DIPK1A: variants seen among roughly 807,000 people sequenced by gnomAD.
The protein encoded by DIPK1A is family with sequence similarity 69 member A.
DIPK1A carries 27 observed loss-of-function variants against 40.8 expected under a neutral mutation model. The ratio of observed to expected loss-of-function variants is 0.66; its 90% CI spans 0.49 to 0.91. The LOEUF (loss-of-function observed/expected upper bound fraction) is 0.91, where lower values mean the gene tolerates loss of function less well. DIPK1A is among the 40% of genes least tolerant of loss of function. The probability of loss-of-function intolerance (pLI) is 0.00; values close to 1 mark genes in which losing one functional copy is unlikely to be tolerated. For synonymous variants in DIPK1A, 166 were observed against 171.3 expected, an observed-to-expected ratio of 0.97 and a Z score of 0.24; for missense variants, 412 against 505.7, an observed-to-expected ratio of 0.81 and a Z score of 1.78.
chr1:92,923,823 T>G (rs1236444187), intron 1 of DIPK1A, among the ~76,000 whole-genome samples: 1 of 152,208 alleles, frequency 6.6e-6, no homozygotes, highest in Admixed American at 6.5e-5. Flanking sequence ...GGGGCAGGTC[T>G]GCTAAACTCA....
At chr1:92,833,143 G>A in intron 4 of DIPK1A, 1 of 667,974 alleles carries the variant, frequency 1.5e-6, no homozygotes, top group Non-Finnish European at 2.7e-6. Context: ...CATTTTGTAT[G>A]TTTCTTTTAT....
intron 4 of DIPK1A, chr1:92,837,076 C>G (rs1274061089): frequency 9.0e-6 from 3 of 334,586 alleles, no homozygotes; most frequent in African/African-American, 4.3e-5. Context: ...AGAGCATTCT[C>G]ACTTGACAAT....
At chr1:92,880,100 G>A (rs1439381509) in intron 1 of DIPK1A, among the ~76,000 whole-genome samples, 1 of 152,132 alleles carries the variant, frequency 6.6e-6, no homozygotes, top group South Asian at 2.1e-4. Context: ...AAATCTTGTG[G>A]GGTAGCAGCC....
intron 1 of DIPK1A, among the ~76,000 whole-genome samples, chr1:92,885,000 C>T (rs962297192): frequency 2.0e-5 from 3 of 152,086 alleles, no homozygotes; most frequent in Admixed American, 6.5e-5. Flanking sequence ...AAAGAGGCTA[C>T]GGGTTTCTGA....
intron 1 of DIPK1A, among the ~76,000 whole-genome samples, chr1:92,948,777 G>GTATA (rs71586769): frequency 7.0e-6 from 1 of 143,462 alleles, no homozygotes; most frequent in African/African-American, 2.6e-5. Context: ...GTGTGTGTGT[G>GTATA]TATATATATA....
Position 92,844,168 on chromosome 1 carries a change from AGAG to A in DIPK1A, c.499_501del (p.Leu167del), listed in dbSNP as rs1159804667. On this transcript the variant is annotated inframe_deletion, in exon 5 of 5. Coordinates refer to ENST00000370310, the MANE Select transcript of DIPK1A (RefSeq NM_001006605.5). ...GTCAAGATGAGATTAACCAGTTCAG[AGAG>A]GTTTCCTTGGTCACCCAATTTTGCC... The A allele has an allele frequency of 6.5e-7, 1 of 1,548,650 alleles. No homozygotes were observed.
chr1:92,960,711 C>T (rs528044298), intron 1 of DIPK1A, among the ~76,000 whole-genome samples: 1 of 152,300 alleles, frequency 6.6e-6, no homozygotes, highest in South Asian at 2.1e-4. Flanking sequence ...AGCCACTAGC[C>T]CCTTTCCTTT....
rs189703050 is a variant in DIPK1A at position 92,890,633 on chromosome 1, G to A, written c.55-14203C>T. 3.2e-3 allele frequency among the ~76,000 whole-genome samples: 488 copies of A among 152,236 alleles called. 3 individuals carry two copies. Among genetic ancestry groups the A allele is most frequent in the African/African-American group, 0.01 (433 of 41,542 alleles). ...GTATCATATTTACTGATTTGTGTAC[G>A]TTGACCTATCTTTGCATCTCTTGAA... On this transcript the variant is annotated intron_variant, in intron 1 of 4. Coordinates refer to ENST00000370310, the MANE Select transcript of DIPK1A (RefSeq NM_001006605.5).
intron 1 of DIPK1A, among the ~76,000 whole-genome samples, chr1:92,919,973 C>T (rs1650208459): frequency 6.6e-6 from 1 of 152,184 alleles, no homozygotes; most frequent in African/African-American, 2.4e-5. Flanking sequence ...TTGTGTTGTA[C>T]ACAAGTATAT....
chr1:92,944,050 T>C (rs1490457705), intron 1 of DIPK1A, among the ~76,000 whole-genome samples: 1 of 151,956 alleles, frequency 6.6e-6, no homozygotes, highest in East Asian at 1.9e-4. Context: ...TAGGAAACCA[T>C]AAAAAGAAAC....
chr1:92,879,136 C>T (rs1259356650), intron 1 of DIPK1A, among the ~76,000 whole-genome samples: 1 of 152,106 alleles, frequency 6.6e-6, no homozygotes, highest in African/African-American at 2.4e-5. Context: ...GCCAAGATCG[C>T]ACCACTGCAC....
chr1:92,928,975 A>AG (rs1272063542), intron 1 of DIPK1A, among the ~76,000 whole-genome samples: 1 of 152,072 alleles, frequency 6.6e-6, no homozygotes, highest in Non-Finnish European at 1.5e-5. Context: ...GAAAAAAAAA[A>AG]GAAAAAAAGA....
At chr1:92,880,912 C>T (rs903172157) in intron 1 of DIPK1A, among the ~76,000 whole-genome samples, 3 of 143,182 alleles carry the variant, frequency 2.1e-5, no homozygotes, top group African/African-American at 5.3e-5. Flanking sequence ...CTACTTCTGG[C>T]GGGGCGCGGT....
intron 1 of DIPK1A, among the ~76,000 whole-genome samples, chr1:92,920,531 G>C (rs922394898): frequency 4.6e-5 from 7 of 152,206 alleles, no homozygotes; most frequent in African/African-American, 1.7e-4. Flanking sequence ...GACATGTTCA[G>C]AGTAACCATG....
chr1:92,931,087 C>A (rs929045525), intron 1 of DIPK1A: 3 of 151,944 alleles, frequency 2.0e-5, no homozygotes, highest in Admixed American at 1.3e-4. Context: ...GAGACAGATT[C>A]TTTTTTCTTA....
At chr1:92,959,550 C>G (rs955599707) in intron 1 of DIPK1A, among the ~76,000 whole-genome samples, 1 of 145,676 alleles carries the variant, frequency 6.9e-6, no homozygotes, top group Admixed American at 7.2e-5. Context: ...CTCCCAAGTT[C>G]ACGCCATTCT....
chr1:92,843,283 T>A lies in DIPK1A; in HGVS notation c.*100A>T. On this transcript the variant is annotated 3_prime_UTR_variant, in exon 5 of 5. Transcript: ENST00000370310. ...TTCTCAGGCCTGGGGGGAAGGAGTT[T>A]TGTGTAACTGGCCGGAATTTGAAGC... 6.9e-7 allele frequency: 1 copy of A among 1,453,446 alleles called. No homozygotes were observed. The highest frequency in any genetic ancestry group is 9.1e-7 in the Non-Finnish European group (1 of 1,104,504). 90.0% of individuals were successfully genotyped at this position (1,453,446 alleles called of 1,614,324 possible).
intron 2 of DIPK1A, among the ~76,000 whole-genome samples, chr1:92,862,561 C>T (rs1404784563): frequency 6.6e-6 from 1 of 152,182 alleles, no homozygotes; most frequent in African/African-American, 2.4e-5. Flanking sequence ...TGGATTATTA[C>T]AACTGCCATA....
chr1:92,840,711 G>C (rs1289041475), downstream of DIPK1A: 1 of 1,106,482 alleles, frequency 9.0e-7, no homozygotes, highest in African/African-American at 1.5e-5. Context: ...CAGACTGTTG[G>C]TGTAATTGTG....
Sources: allele counts gnomAD v4.1 joint callset (sites outside exome capture counted in the v4.1 genomes callset), GRCh38; gene constraint gnomAD v4.1.1; transcripts MANE v1.5; gene names NCBI Gene and HGNC (gene_info 2026-07-23, HGNC 2026-07-21).